Variants in CEP72 observed in about 807,000 individuals in gnomAD.
CEP72 encodes centrosomal protein of 72 kDa.
CEP72 carries 78 observed loss-of-function variants against 65.7 expected under a neutral mutation model. The ratio of observed to expected loss-of-function variants is 1.19; its 90% CI spans 0.99 to 1.43. CEP72 has a LOEUF of 1.43. CEP72 is among the 40% of genes most tolerant of loss of function. The probability of loss-of-function intolerance (pLI) is 0.00; values close to 1 mark genes in which losing one functional copy is unlikely to be tolerated. For missense variants in CEP72, 914 were observed against 832.9 expected, an observed-to-expected ratio of 1.10 and a Z score of -1.20; for synonymous variants, 358 against 351.7, an observed-to-expected ratio of 1.02 and a Z score of -0.20.
At chr5:626,743 C>G (rs2126755290) in intron 4 of CEP72, among the ~76,000 whole-genome samples, 1 of 152,212 alleles carries the variant, frequency 6.6e-6, no homozygotes, top group East Asian at 1.9e-4. Context: ...ACCCCCTGAG[C>G]CTGGGAGTTG....
chr5:673,699 G>C, the CEP72 span, among the ~76,000 whole-genome samples: 1 of 152,164 alleles, frequency 6.6e-6, no homozygotes, highest in African/African-American at 2.4e-5. Context: ...ACACCCCAAG[G>C]CTGGTCCCCG....
chr5:666,023 G>A (rs200582979), exon 4 of CEP72: 13 of 1,598,446 alleles, frequency 8.1e-6, no homozygotes, highest in Middle Eastern at 1.7e-4. Context: ...TGCACCTCGC[G>A]AACGGCCTCC....
At chr5:619,215 A>G in intron 2 of CEP72, 98 bp downstream of exon 2, 1 of 1,128,014 alleles carries the variant, frequency 8.9e-7, no homozygotes, top group Non-Finnish European at 1.3e-6. Context: ...CCCTCTGCTT[A>G]CATCTGTATA....
downstream of CEP72, among the ~76,000 whole-genome samples, chr5:654,500 C>A (rs1328837417): frequency 6.6e-6 from 1 of 151,954 alleles, no homozygotes; most frequent in African/African-American, 2.4e-5. Context: ...CTGGGGAAAT[C>A]AGAGGTGGGA....
chr5:662,958 G>A (rs933441514), intron 1 of CEP72: 2 of 150,080 alleles, frequency 1.3e-5, no homozygotes, highest in Non-Finnish European at 2.9e-5. Context: ...ATGACTGCTC[G>A]TCTGTGATCG....
At position 640,953 on chromosome 5, in the gene CEP72, G is replaced by T. The variant is rs1284140645; in HGVS notation, c.1539+349G>T. 4.1e-6 allele frequency: 4 copies of T among 985,346 alleles called. No individual in the cohort carries two copies. In the African/African-American group the frequency reaches 7.0e-5, roughly 17 times the overall value. 61.0% of individuals were successfully genotyped at this position (985,346 alleles called of 1,614,324 possible). On this transcript the variant is annotated intron_variant, in intron 9 of 11. Transcript: ENST00000264935. ...GGGCCTCGAACTGGGGAAAACCGAG[G>T]CCACTCTCCTTTTATGAAGGAGATG...
At chr5:658,946 G>A (rs576131765), downstream of CEP72, among the ~76,000 whole-genome samples, 8 of 152,310 alleles carry the variant, frequency 5.3e-5, no homozygotes, top group African/African-American at 9.6e-5. Flanking sequence ...GGGACTACAG[G>A]TGTGAGCCAC....
the CEP72 span, among the ~76,000 whole-genome samples, chr5:672,536 TGGACCCATAG>T: frequency 6.6e-6 from 1 of 152,246 alleles, no homozygotes; most frequent in Non-Finnish European, 1.5e-5. Flanking sequence ...CTGAGCTAGA[TGGACCCATAG>T]GGGGCCAGTG....
the CEP72 span, among the ~76,000 whole-genome samples, chr5:673,140 C>T: frequency 6.6e-6 from 1 of 151,476 alleles, no homozygotes. Flanking sequence ...CACCCCCTCC[C>T]CAAAATGCAA....
chr5:669,381 G>A (rs1433830140), downstream of CEP72, among the ~76,000 whole-genome samples: 9 of 152,164 alleles, frequency 5.9e-5, no homozygotes, highest in African/African-American at 9.6e-5. Context: ...ACACCCGCAC[G>A]TTCCCTGTGG....
At chr5:648,831 T>G (rs1738652157) in intron 11 of CEP72, among the ~76,000 whole-genome samples, 1 of 107,766 alleles carries the variant, frequency 9.3e-6, no homozygotes, top group Non-Finnish European at 1.8e-5. Flanking sequence ...CTGTGAGGTG[T>G]GACTGTGAGG....
downstream of CEP72, among the ~76,000 whole-genome samples, chr5:659,110 G>A (rs150060414): frequency 1.9e-3 from 284 of 152,242 alleles, 1 homozygote; most frequent in African/African-American, 6.6e-3. Flanking sequence ...CCCTCTGCTC[G>A]TTTGGAGACT....
At position 633,498 on chromosome 5, in the gene CEP72, C is replaced by T. The variant is rs1737361357; in HGVS notation, c.513-271C>T. ...GGCCCAGTCCTGGTGGGGTTCTGTC[C>T]AGTGCTGGGATTTGGCCCAGTCCTG... On this transcript the variant is annotated intron_variant, in intron 4 of 11. Coordinates refer to ENST00000264935, the MANE Select transcript of CEP72 (RefSeq NM_018140.4). Among the ~76,000 whole-genome samples the T allele has an allele frequency of 2.6e-5, 4 of 151,804 alleles. No homozygotes were observed. The South Asian group carries it at 8.3e-4, about 31-fold the overall frequency.
chr5:660,786 G>GAT (rs1334749646), downstream of CEP72: 2 of 152,388 alleles, frequency 1.3e-5, no homozygotes, highest in African/African-American at 4.8e-5. Flanking sequence ...AGCAGCCCAG[G>GAT]ATGGGGGCTG....
downstream of CEP72, among the ~76,000 whole-genome samples, chr5:671,627 G>A (rs886415752): frequency 6.6e-6 from 1 of 152,186 alleles, no homozygotes. Context: ...GGCCTGCAGG[G>A]TACAGGAGCC....
At chr5:665,613 CCCAATCCAT>C (rs1561079883) in intron 3 of CEP72, among the ~76,000 whole-genome samples, 2 of 127,212 alleles carry the variant, frequency 1.6e-5, no homozygotes, top group Non-Finnish European at 3.7e-5. Context: ...GCTATGCCCC[CCCAATCCAT>C]GCCCCTTCAG....
In CEP72 at chr5:639,109, G is replaced by A. The variant is rs777236207; in HGVS notation, c.1227G>A (p.Ser409=). 5.6e-6 allele frequency: 9 copies of A among 1,613,210 alleles called. No individual in the cohort carries two copies. The highest frequency in any genetic ancestry group is 1.1e-5 in the South Asian group (1 of 91,076). The change falls in exon 8 of 12, where the codon TCG becomes TCA. Residue 409 remains serine, a synonymous_variant. Coordinates refer to ENST00000264935, the MANE Select transcript of CEP72 (RefSeq NM_018140.4). ...CACAGCCGTCTCCCGGGTCACACTC[G>A]GCTCTACCCGGGAAGAAGACGGCCC... is the stretch of plus-strand genomic sequence containing the variant. ...DTREPSPGSH[S]ALPGKKTALQ... is the part of the protein sequence containing the mutation.
chr5:618,611 G>T lies in CEP72; in HGVS notation c.83-379G>T, dbSNP rs200189101. 7.9e-4 allele frequency among the ~76,000 whole-genome samples: 121 copies of T among 152,236 alleles called. 2 individuals are homozygous for T. The East Asian group carries it at 0.017, about 21-fold the overall frequency. On this transcript the variant is annotated intron_variant, in intron 1 of 11. Transcript: ENST00000264935. ...CTCCAAGTACAGCAGGGGCCGGGGG[G>T]AGTTTATAGCCTAGGGTCAGGGTGG...
At chr5:648,857 G>A (rs1738659159) in intron 11 of CEP72, among the ~76,000 whole-genome samples, 2 of 31,854 alleles carry the variant, frequency 6.3e-5, no homozygotes, top group African/African-American at 1.1e-4. Flanking sequence ...ACTGTGAGGT[G>A]TGACTGTGAG....
Sources: allele counts gnomAD v4.1 joint callset (sites outside exome capture counted in the v4.1 genomes callset), GRCh38; gene constraint gnomAD v4.1.1; transcripts MANE v1.5; gene names NCBI Gene and HGNC (gene_info 2026-07-23, HGNC 2026-07-21).